Variants in INTS9 observed in about 807,000 individuals in gnomAD.
The protein encoded by INTS9 is protein related to CPSF subunits of 74 kDa.
In INTS9, 55 loss-of-function variants were observed where a neutral mutation model predicts 79.7. The ratio of observed to expected loss-of-function variants is 0.69; its 90% CI spans 0.56 to 0.86. The LOEUF is 0.86. Among genes scored for constraint, INTS9 ranks in the 40% least tolerant of loss-of-function variants. The pLI is 0.00. For synonymous variants in INTS9, 319 were observed against 325.2 expected (o/e 0.98, Z 0.20); for missense variants, 721 against 831.5 (o/e 0.87, Z 1.64).
intron 10 of INTS9, among the ~76,000 whole-genome samples, chr8:28,791,075 C>A (rs750411290): frequency 1.3e-5 from 2 of 152,094 alleles, no homozygotes; most frequent in African/African-American, 2.4e-5. Flanking sequence ...GTAAGTCCTG[C>A]CCCTTGTATT....
intron 13 of INTS9, among the ~76,000 whole-genome samples, chr8:28,777,339 G>A (rs1023151791): frequency 4.7e-5 from 7 of 149,754 alleles, no homozygotes; most frequent in Non-Finnish European, 8.9e-5. Context: ...TGCTACGCGC[G>A]CCTCCTGGTC....
At chr8:28,850,855 T>C (rs1466541038) in intron 2 of INTS9, among the ~76,000 whole-genome samples, 1 of 152,210 alleles carries the variant, frequency 6.6e-6, no homozygotes, top group South Asian at 2.1e-4. Flanking sequence ...TCCCAAGTGT[T>C]ACAAAATGAC....
chr8:28,826,481 C>T (rs1026999711), intron 6 of INTS9, among the ~76,000 whole-genome samples: 1 of 152,202 alleles, frequency 6.6e-6, no homozygotes, highest in Non-Finnish European at 1.5e-5. Context: ...TGCCTCTGGT[C>T]CAGTCTGACC....
At chr8:28,787,749 T>A (rs1803695949) in intron 11 of INTS9, 80 bp downstream of exon 11, 2 of 979,460 alleles carry the variant, frequency 2.0e-6, no homozygotes, top group African/African-American at 3.2e-5. Flanking sequence ...ATCTATTTCA[T>A]CTAACGACCT....
rs150431221 is a variant in INTS9, at chr8:28,768,187, G to A, written c.1936C>T (p.Arg646Ter). ...AATTTGAGGACAAGGTCCCGCAGTC[G>A]CACTCTGAGCATCTCGTCATTGTCG... is the stretch of plus-strand genomic sequence containing the variant. The part of the protein sequence containing the change: ...ICDNDEMLRV[R>*]LRDLVLKFLQ... Residue 646 changes from arginine (R) to a stop codon, truncating the protein, a stop_gained, in exon 17 of 17, where the codon CGA (arginine) becomes TGA (stop). Coordinates refer to ENST00000521022, the MANE Select transcript of INTS9 (RefSeq NM_018250.4). LOFTEE classifies it high-confidence loss of function. 349 of 1,613,988 alleles carry A rather than the reference G, an allele frequency of 2.2e-4. No individual in the cohort carries two copies. The highest frequency in any genetic ancestry group is 2.8e-4 in the Non-Finnish European group (330 of 1,180,030).
At chr8:28,793,397 A>G (rs1286512624) in intron 10 of INTS9, among the ~76,000 whole-genome samples, 1 of 152,244 alleles carries the variant, frequency 6.6e-6, no homozygotes, top group East Asian at 1.9e-4. Context: ...CAAATATCAT[A>G]CTATTGCAAT....
chr8:28,857,099 C>G (rs1259368238), intron 2 of INTS9, among the ~76,000 whole-genome samples: 1 of 152,128 alleles, frequency 6.6e-6, no homozygotes, highest in Non-Finnish European at 1.5e-5. Flanking sequence ...ATATGTACCA[C>G]ATTTTCTTTA....
intron 6 of INTS9, among the ~76,000 whole-genome samples, chr8:28,817,446 T>C (rs1805556748): frequency 6.6e-6 from 1 of 152,256 alleles, no homozygotes; most frequent in African/African-American, 2.4e-5. Context: ...CTCAGGTTTG[T>C]CAAAGATCAG....
intron 1 of INTS9, among the ~76,000 whole-genome samples, chr8:28,861,278 CTCCA>C (rs1289231341): frequency 1.3e-5 from 2 of 152,182 alleles, no homozygotes; most frequent in African/African-American, 4.8e-5. Flanking sequence ...TGTCCCCACC[CTCCA>C]TCTGGTTCCC....
chr8:28,780,397 A>G, intron 12 of INTS9: 1 of 985,372 alleles, frequency 1.0e-6, no homozygotes, highest in Non-Finnish European at 1.2e-6. Flanking sequence ...ACTTGACCTT[A>G]TCAAAGGAAT....
chr8:28,782,712 T>C (rs1003107528), intron 11 of INTS9, among the ~76,000 whole-genome samples: 2 of 152,198 alleles, frequency 1.3e-5, no homozygotes, highest in African/African-American at 2.4e-5. Flanking sequence ...GCCCAGAAGT[T>C]TGAGACCAGG....
chr8:28,780,872 G>A lies in INTS9; in HGVS notation c.1221C>T (p.His407=). The part of the protein sequence containing the change: ...HPSLRFGDVV[H]FMELWGKSSL... Reference sequence around the variant, plus strand: ...TAGATTTTCCCCAGAGCTCCATGAAGTGGACCACGTCCCCGAAGCGGAGGG... The same window carrying A: ...TAGATTTTCCCCAGAGCTCCATGAAATGGACCACGTCCCCGAAGCGGAGGG... Residue 407 remains histidine (H), a synonymous_variant, in exon 12 of 17, where the codon CAC becomes CAT. Coordinates refer to ENST00000521022, the MANE Select transcript of INTS9 (RefSeq NM_018250.4). 1 of 1,613,652 alleles carries A rather than the reference G, an allele frequency of 6.2e-7. No homozygotes were observed. Among genetic ancestry groups the A allele is most frequent in the South Asian group, 1.1e-5 (1 of 91,060 alleles).
At chr8:28,807,445 C>T (rs1450832050) in intron 8 of INTS9, among the ~76,000 whole-genome samples, 1 of 152,092 alleles carries the variant, frequency 6.6e-6, no homozygotes, top group Non-Finnish European at 1.5e-5. Context: ...ATGTATGGGC[C>T]CATTTTTCAC....
intron 1 of INTS9, among the ~76,000 whole-genome samples, chr8:28,863,743 C>G (rs1470145670): frequency 2.0e-5 from 3 of 152,192 alleles, no homozygotes; most frequent in Admixed American, 1.3e-4. Context: ...GATCACGCCA[C>G]TGCACACCAG....
chr8:28,841,755 CA>C (rs1807199441), intron 4 of INTS9, among the ~76,000 whole-genome samples: 1 of 151,994 alleles, frequency 6.6e-6, no homozygotes, highest in Non-Finnish European at 1.5e-5. Context: ...GGTATTCTTA[CA>C]ATAAAATAAG....
chr8:28,783,735 C>T (rs1052505692), intron 11 of INTS9: 2 of 152,246 alleles, frequency 1.3e-5, no homozygotes, highest in East Asian at 1.9e-4. Context: ...CCGGAGCAAA[C>T]ATCGAATTCC....
At chr8:28,857,130 C>T (rs774817103) in intron 2 of INTS9, among the ~76,000 whole-genome samples, 1 of 152,032 alleles carries the variant, frequency 6.6e-6, no homozygotes, top group South Asian at 2.1e-4. Flanking sequence ...TGCTGAGGGG[C>T]ACTTAAGTTG....
At chr8:28,875,334 T>C (rs773322689) in intron 1 of INTS9, among the ~76,000 whole-genome samples, 4 of 152,170 alleles carry the variant, frequency 2.6e-5, no homozygotes, top group Non-Finnish European at 5.9e-5. Flanking sequence ...ACTGGGGAAA[T>C]GGAACTTCTC....
In INTS9 at chr8:28,796,642, G is replaced by T; in HGVS notation, c.758C>A (p.Ala253Asp). ...LTTHPQPMDQASLKNSDVLVL... is the reference protein window; with the variant it reads ...LTTHPQPMDQDSLKNSDVLVL... ...AAGAACATCGCTGTTTTTGAGAGAAGCTTGGTCCATGGGCTGAAAAAGAAC... is the reference window on the plus strand; with the variant it reads ...AAGAACATCGCTGTTTTTGAGAGAATCTTGGTCCATGGGCTGAAAAAGAAC... Residue 253 changes from alanine to aspartate, a missense_variant, in exon 9 of 17, where the codon GCT (alanine) becomes GAT (aspartate). Coordinates refer to ENST00000521022, the MANE Select transcript of INTS9 (RefSeq NM_018250.4). 4 of 1,612,222 alleles carry T rather than the reference G, an allele frequency of 2.5e-6. No individual in the cohort carries two copies. The highest frequency in any genetic ancestry group is 3.4e-6 in the Non-Finnish European group (4 of 1,178,264).
Sources: allele counts gnomAD v4.1 joint callset (sites outside exome capture counted in the v4.1 genomes callset), GRCh38; gene constraint gnomAD v4.1.1; transcripts MANE v1.5; gene names NCBI Gene and HGNC (gene_info 2026-07-23, HGNC 2026-07-21).